Variants in RASGRP1 observed in about 807,000 individuals in gnomAD.
The protein encoded by RASGRP1 is RAS guanyl-releasing protein 1.
A neutral mutation model predicts 95.1 loss-of-function variants in RASGRP1; 37 were observed. That is an observed-to-expected ratio of 0.39 (90% confidence interval 0.30 to 0.51). The LOEUF is 0.51. Ranked by LOEUF, RASGRP1 falls within the 20% of genes least tolerant of loss-of-function variation. RASGRP1 has a pLI of 0.80. For synonymous variants in RASGRP1, 325 were observed against 353.4 expected (o/e 0.92, Z 0.90); for missense variants, 711 against 965.4 (o/e 0.74, Z 3.49).
chr15:38,563,600 A>G lies in RASGRP1; in HGVS notation c.35+994T>C, dbSNP rs148644796. On this transcript the variant is annotated intron_variant, in intron 1 of 16. Transcript: ENST00000310803. ...GAAGGTGACTCTCTTGACTTCTAGTATGGATTCCTTCCAGTCCCGTCCTCT... is the reference window on the plus strand; with the variant it reads ...GAAGGTGACTCTCTTGACTTCTAGTGTGGATTCCTTCCAGTCCCGTCCTCT... Among the ~76,000 whole-genome samples the G allele has an allele frequency of 1.8e-3, 276 of 152,320 alleles. 1 individual carries two copies. The highest frequency in any genetic ancestry group is 6.2e-3 in the African/African-American group (259 of 41,558).
At chr15:38,499,451 A>G (rs1890924563) in intron 14 of RASGRP1, among the ~76,000 whole-genome samples, 2 of 152,168 alleles carry the variant, frequency 1.3e-5, no homozygotes, top group African/African-American at 2.4e-5. Context: ...TTCCATGACT[A>G]TATGAGAGCA....
At chr15:38,553,906 T>C (rs1893436973) in intron 2 of RASGRP1, among the ~76,000 whole-genome samples, 1 of 152,186 alleles carries the variant, frequency 6.6e-6, no homozygotes, top group African/African-American at 2.4e-5. Flanking sequence ...ATATGCTCTA[T>C]TGCTTCCCTG....
intron 2 of RASGRP1, among the ~76,000 whole-genome samples, chr15:38,547,246 T>A (rs1351855500): frequency 6.6e-6 from 1 of 152,206 alleles, no homozygotes; most frequent in African/African-American, 2.4e-5. Flanking sequence ...CCCACACACA[T>A]ACTCTCAGAC....
chr15:38,504,023 C>T (rs1400037879), intron 10 of RASGRP1: 1 of 152,126 alleles, frequency 6.6e-6, no homozygotes, highest in African/African-American at 2.4e-5. Flanking sequence ...GTACTGTAGG[C>T]AATTGTAATG....
chr15:38,516,634 C>T (rs760686969), intron 5 of RASGRP1, among the ~76,000 whole-genome samples: 3 of 151,758 alleles, frequency 2.0e-5, no homozygotes, highest in Non-Finnish European at 4.4e-5. Context: ...TCTCAGGTAT[C>T]GGTCAGTTTC....
intron 2 of RASGRP1, among the ~76,000 whole-genome samples, chr15:38,533,066 C>G (rs540579611): frequency 1.3e-5 from 2 of 152,318 alleles, no homozygotes; most frequent in South Asian, 2.1e-4. Flanking sequence ...AACTCCGGAA[C>G]AGTCACTTCT....
At chr15:38,502,185 A>G (rs949285863) in intron 12 of RASGRP1, 127 bp downstream of exon 12, 8 of 658,198 alleles carry the variant, frequency 1.2e-5, no homozygotes, top group Non-Finnish European at 1.8e-5. Flanking sequence ...TGCATATTTC[A>G]TGGTCTGTTC....
rs185812151 is a variant in RASGRP1 at position 38,515,870 on chromosome 15, G to A, written c.675+327C>T. On this transcript the variant is annotated intron_variant, in intron 6 of 16. Transcript: ENST00000310803. ...GGTATGAGGATTATCAGGGGTATGA[G>A]GGTAGAATGAGAGAGACAGAGAGAG... Among the ~76,000 whole-genome samples, 484 of 140,532 alleles carry A rather than the reference G, an allele frequency of 3.4e-3. 5 individuals are homozygous for A. Among genetic ancestry groups the A allele is most frequent in the Non-Finnish European group, 5.1e-3 (324 of 64,158 alleles). 92.2% of individuals were successfully genotyped at this position (140,532 alleles called of 152,430 possible).
At chr15:38,515,607 C>T (rs2141120652) in intron 6 of RASGRP1, among the ~76,000 whole-genome samples, 1 of 152,182 alleles carries the variant, frequency 6.6e-6, no homozygotes, top group East Asian at 1.9e-4. Context: ...TTTGGGTCAG[C>T]ACAGCTTATC....
At chr15:38,530,554 ACT>A (rs1030563530) in intron 2 of RASGRP1, among the ~76,000 whole-genome samples, 26 of 152,306 alleles carry the variant, frequency 1.7e-4, no homozygotes, top group African/African-American at 5.8e-4. Flanking sequence ...ATTCCTGAAC[ACT>A]CTGGTGAAAC....
At chr15:38,547,330 C>T (rs1301761801) in intron 2 of RASGRP1, among the ~76,000 whole-genome samples, 2 of 152,196 alleles carry the variant, frequency 1.3e-5, no homozygotes. Context: ...ACACCCCCAC[C>T]TGTGTGCAGG....
chr15:38,537,168 G>A (rs537563549), intron 2 of RASGRP1, among the ~76,000 whole-genome samples: 1 of 152,228 alleles, frequency 6.6e-6, no homozygotes, highest in South Asian at 2.1e-4. Flanking sequence ...CTGTGCCAGC[G>A]AGACTGGACC....
At chr15:38,550,092 T>C (rs984028218) in intron 2 of RASGRP1, among the ~76,000 whole-genome samples, 1 of 151,570 alleles carries the variant, frequency 6.6e-6, no homozygotes. Context: ...ACCCCATCTC[T>C]ACTAAAAATA....
At chr15:38,505,361 A>G (rs1422644621) in intron 10 of RASGRP1, among the ~76,000 whole-genome samples, 2 of 152,184 alleles carry the variant, frequency 1.3e-5, no homozygotes, top group Non-Finnish European at 2.9e-5. Flanking sequence ...TTACAGGAAA[A>G]TGGGGCTTTT....
Position 38,559,969 on chromosome 15 carries a change from T to G in RASGRP1, c.72A>C (p.Ala24=), listed in dbSNP as rs1893740200. The change falls in exon 2 of 17, where the codon GCA becomes GCC. Residue 24 remains alanine (A), a synonymous_variant. Transcript: ENST00000310803. ...TGTTGGCTGGCTTTGCCTCTAGTCT[T>G]GCTTTAGAGGCAGCTCTGCAGCCAT... is the stretch of plus-strand genomic sequence containing the variant. ...PSHGCRAASK[A]RLEAKPANSP... is the part of the protein sequence containing the mutation. 1 of 1,613,198 alleles carries G rather than the reference T, an allele frequency of 6.2e-7. No homozygotes were observed. The highest frequency in any genetic ancestry group is 1.7e-5 in the Admixed American group (1 of 59,942).
intron 2 of RASGRP1, among the ~76,000 whole-genome samples, chr15:38,550,600 A>G (rs1198364866): frequency 6.6e-6 from 1 of 152,198 alleles, no homozygotes. Flanking sequence ...TAAAAAATCA[A>G]TTTTAAAATA....
In RASGRP1 at chr15:38,502,325, T is replaced by A. The variant is rs767697975; in HGVS notation, c.1525A>T (p.Met509Leu). Reference protein sequence around the residue: ...AASFPFSFCVMDKDREGLISR... With the variant: ...AASFPFSFCVLDKDREGLISR... Reference sequence around the variant, plus strand: ...ACAAACCCTCACCTGTCTTTGTCCATCACACAGAAGGAAAATGGAAAACTC... The same window carrying A: ...ACAAACCCTCACCTGTCTTTGTCCAACACACAGAAGGAAAATGGAAAACTC... Residue 509 changes from methionine to leucine, a missense_variant, in exon 12 of 17, where the codon ATG becomes TTG. This residue lies in a region of RASGRP1 where 491 missense variants were observed against 676.6 expected (regional missense o/e 0.73). Coordinates refer to ENST00000310803, the MANE Select transcript of RASGRP1 (RefSeq NM_005739.4). 5 of 1,583,616 alleles carry A rather than the reference T, an allele frequency of 3.2e-6. No homozygotes were observed. The East Asian group carries it at 1.1e-4, about 35-fold the overall frequency.
chr15:38,532,556 G>A (rs964545953), intron 2 of RASGRP1, among the ~76,000 whole-genome samples: 1 of 152,152 alleles, frequency 6.6e-6, no homozygotes, highest in Non-Finnish European at 1.5e-5. Flanking sequence ...CAATCAGGGT[G>A]GAAAAGGCTA....
intron 12 of RASGRP1, 92 bp downstream of exon 12, chr15:38,502,220 A>G (rs1891058548): frequency 1.2e-6 from 1 of 859,360 alleles, no homozygotes; most frequent in African/African-American, 1.7e-5. Flanking sequence ...GCAGCAACAT[A>G]TCTGAGTTTT....
Sources: allele counts gnomAD v4.1 joint callset (sites outside exome capture counted in the v4.1 genomes callset), GRCh38; gene constraint gnomAD v4.1.1; regional missense constraint gnomAD v4.1.1; transcripts MANE v1.5; gene names NCBI Gene and HGNC (gene_info 2026-07-23, HGNC 2026-07-21).